The following EYA2 variants were observed in gnomAD, a reference collection of about 807,000 sequenced individuals.
The protein encoded by EYA2 is EYA transcriptional coactivator and phosphatase 2.
Under a neutral mutation model 69.2 loss-of-function variants are expected in EYA2, and 31 were observed. The observed-to-expected ratio is 0.45, with a 90% CI of 0.34 to 0.60. The LOEUF (loss-of-function observed/expected upper bound fraction) is 0.60, where lower values mean the gene tolerates loss of function less well. Among genes scored for constraint, EYA2 ranks in the 20% least tolerant of loss-of-function variants. The pLI is 0.02. For synonymous variants in EYA2, 257 were observed against 279.4 expected (o/e 0.92, Z 0.80); for missense variants, 622 against 701.2 (o/e 0.89, Z 1.28).
chr20:47,063,611 A>C (rs895382467), intron 5 of EYA2, among the ~76,000 whole-genome samples: 5 of 152,116 alleles, frequency 3.3e-5, no homozygotes, highest in African/African-American at 1.2e-4. Context: ...GCAGATGAAA[A>C]GGAGAAAGTA....
chr20:46,990,454 G>A lies in EYA2; in HGVS notation c.109+335G>A, dbSNP rs575363511. ...ATGTGTTTTGCAGTGTCTGTTTCTG[G>A]CTCTGAGCTCTGTCCTCTCTACTCT... On this transcript the variant is annotated intron_variant, in intron 2 of 15. Transcript: ENST00000327619. Among the ~76,000 whole-genome samples, 24 of 152,302 alleles carry A rather than the reference G, an allele frequency of 1.6e-4. No homozygotes were observed. The South Asian group carries it at 2.3e-3, about 14-fold the overall frequency.
intron 9 of EYA2, among the ~76,000 whole-genome samples, chr20:47,115,739 T>A (rs73125584): frequency 6.6e-6 from 1 of 152,276 alleles, no homozygotes; most frequent in Non-Finnish European, 1.5e-5. Context: ...AAGAGGCAAA[T>A]GGGATTGTGC....
At chr20:46,983,034 A>T (rs1447367914) in intron 1 of EYA2, among the ~76,000 whole-genome samples, 1 of 152,114 alleles carries the variant, frequency 6.6e-6, no homozygotes, top group African/African-American at 2.4e-5. Flanking sequence ...TGGACTCCCA[A>T]AGTGCTGGGA....
At chr20:47,059,063 G>A (rs978064083) in intron 5 of EYA2, among the ~76,000 whole-genome samples, 5 of 152,174 alleles carry the variant, frequency 3.3e-5, no homozygotes, top group Non-Finnish European at 5.9e-5. Flanking sequence ...GGAGTGATGG[G>A]GAATGACAGG....
chr20:47,168,893 CTGTA>C (rs1324515523), intron 10 of EYA2, among the ~76,000 whole-genome samples: 4 of 152,148 alleles, frequency 2.6e-5, no homozygotes, highest in African/African-American at 9.7e-5. Context: ...TGGAGAGTAT[CTGTA>C]TGGTCACTTT....
intron 1 of EYA2, among the ~76,000 whole-genome samples, chr20:46,932,918 TC>T (rs1385505730): frequency 6.6e-6 from 1 of 151,998 alleles, no homozygotes; most frequent in Non-Finnish European, 1.5e-5. Flanking sequence ...TTTGGCAGTC[TC>T]CCTCACCACG....
At chr20:47,161,548 A>C in intron 10 of EYA2, 2 of 374,092 alleles carry the variant, frequency 5.3e-6, no homozygotes, top group East Asian at 8.4e-5. Flanking sequence ...ATAGACGTCC[A>C]CTCCTTGTCC....
chr20:46,936,701 C>G (rs1472970233), intron 1 of EYA2, among the ~76,000 whole-genome samples: 1 of 152,108 alleles, frequency 6.6e-6, no homozygotes, highest in African/African-American at 2.4e-5. Context: ...CCCAGCAGAA[C>G]AGGAGAAGGA....
chr20:47,008,523 C>T (rs1374010538), intron 4 of EYA2, among the ~76,000 whole-genome samples: 8 of 152,230 alleles, frequency 5.3e-5, no homozygotes, highest in African/African-American at 1.2e-4. Flanking sequence ...TAAGTTACCC[C>T]GCTTGGCTGA....
At chr20:47,091,831 G>A (rs2032096622) in intron 8 of EYA2, among the ~76,000 whole-genome samples, 2 of 152,188 alleles carry the variant, frequency 1.3e-5, no homozygotes, top group African/African-American at 4.8e-5. Context: ...ACCAAGTTTA[G>A]AAAGAAAGTA....
At chr20:47,033,289 A>G (rs1248810191) in intron 5 of EYA2, among the ~76,000 whole-genome samples, 1 of 152,218 alleles carries the variant, frequency 6.6e-6, no homozygotes, top group Non-Finnish European at 1.5e-5. Context: ...GAGATCATCT[A>G]GGTCAGGGGT....
chr20:47,164,790 AGAG>A lies in EYA2; in HGVS notation c.979-4348_979-4346del, dbSNP rs575051904. 1.1e-4 allele frequency among the ~76,000 whole-genome samples: 17 copies of A among 152,296 alleles called. No homozygotes were observed. The East Asian group carries it at 2.7e-3, about 24-fold the overall frequency. On this transcript the variant is annotated intron_variant, in intron 10 of 15. Transcript: ENST00000327619. The stretch of plus-strand genomic sequence containing the variant: ...ATCTGGAGAGAGAACAAGAACAAGA[AGAG>A]AAAGGGAAGAGGAGGCAGAGAGAAA...
At position 47,188,223 on chromosome 20, in the gene EYA2, T is replaced by C. The variant is rs1185615889; in HGVS notation, c.*90T>C. ...ACCGAGAACTCCAGAGACCCAGATG[T>C]TGGACACCAGGAAGGGGCCCCACAG... On this transcript the variant is annotated 3_prime_UTR_variant, in exon 16 of 16. Transcript: ENST00000327619. 1.5e-6 allele frequency: 2 copies of C among 1,325,472 alleles called. No homozygotes were observed. Among genetic ancestry groups the C allele is most frequent in the East Asian group, 2.5e-5 (1 of 39,822 alleles). The allele number at this position is 1,325,472 out of a possible 1,614,324, so 82.1% of individuals were successfully genotyped here.
intron 1 of EYA2, among the ~76,000 whole-genome samples, chr20:46,955,275 G>A (rs1979053682): frequency 6.6e-6 from 1 of 152,038 alleles, no homozygotes. Flanking sequence ...GGGATTACAG[G>A]CGTGAGCCAC....
At chr20:47,068,967 G>A in intron 5 of EYA2, among the ~76,000 whole-genome samples, 1 of 152,120 alleles carries the variant, frequency 6.6e-6, no homozygotes, top group East Asian at 1.9e-4. Context: ...ACCTCTGACA[G>A]CAGTCCATGC....
At chr20:46,994,064 G>A (rs537523735) in intron 2 of EYA2, among the ~76,000 whole-genome samples, 1 of 152,294 alleles carries the variant, frequency 6.6e-6, no homozygotes, top group South Asian at 2.1e-4. Context: ...TGAGTGAAGG[G>A]GTAGGTGGAT....
chr20:47,046,987 C>T (rs1430464698), intron 5 of EYA2, among the ~76,000 whole-genome samples: 1 of 152,090 alleles, frequency 6.6e-6, no homozygotes, highest in African/African-American at 2.4e-5. Context: ...TATCTGTCTC[C>T]CCTGGGTTAT....
At chr20:46,907,591 C>T (rs959521719) in intron 1 of EYA2, among the ~76,000 whole-genome samples, 2 of 152,198 alleles carry the variant, frequency 1.3e-5, no homozygotes, top group Non-Finnish European at 2.9e-5. Flanking sequence ...GTAACCCCAG[C>T]GCTTTGGGAA....
intron 1 of EYA2, among the ~76,000 whole-genome samples, chr20:46,963,440 C>G (rs1600586352): frequency 6.6e-6 from 1 of 152,142 alleles, no homozygotes; most frequent in South Asian, 2.1e-4. Context: ...GCAGACAGAA[C>G]CGACAAGGTC....
Sources: allele counts gnomAD v4.1 joint callset (sites outside exome capture counted in the v4.1 genomes callset), GRCh38; gene constraint gnomAD v4.1.1; transcripts MANE v1.5; gene names NCBI Gene and HGNC (gene_info 2026-07-23, HGNC 2026-07-21).